Variants in SLC39A5 observed in about 807,000 individuals in gnomAD.
The protein encoded by SLC39A5 is zinc transporter ZIP5.
In SLC39A5, 42 loss-of-function variants were observed where a neutral mutation model predicts 46.9. The observed-to-expected ratio is 0.90, with a 90% CI of 0.70 to 1.16. The LOEUF (loss-of-function observed/expected upper bound fraction) is 1.16. Among genes scored for constraint, SLC39A5 ranks in the 50% most tolerant of loss-of-function variants. The pLI is 0.00. For synonymous variants in SLC39A5, 311 were observed against 323.1 expected (o/e 0.96, Z 0.40); for missense variants, 677 against 686.8 (o/e 0.99, Z 0.16).
At position 56,231,503 on chromosome 12, in the gene SLC39A5, C is replaced by G. The variant is rs1230093141; in HGVS notation, c.229C>G (p.Gln77Glu). 3 of 1,603,612 alleles carry G rather than the reference C, an allele frequency of 1.9e-6. No individual in the cohort carries two copies. Among genetic ancestry groups the G allele is most frequent in the Non-Finnish European group, 2.6e-6 (3 of 1,174,100 alleles). Residue 77 changes from glutamine (Q) to glutamate (E), a missense_variant, in exon 4 of 13, where the codon CAG becomes GAG. Coordinates refer to ENST00000454355, the MANE Select transcript of SLC39A5 (RefSeq NM_173596.3). Reference sequence around the variant, plus strand: ...CCGAGTTCAGGGGCTTCGCCTGGGACAGCATGGGCCTCTGACTGGACGGGC... The same window carrying G: ...CCGAGTTCAGGGGCTTCGCCTGGGAGAGCATGGGCCTCTGACTGGACGGGC... ...LGRVQGLRLG[Q>E]HGPLTGRAAS...
Position 56,235,542 on chromosome 12 carries a change from T to C in SLC39A5, c.805-18T>C, listed in dbSNP as rs760520201. On this transcript the variant is annotated intron_variant, in intron 7 of 12. Coordinates refer to ENST00000454355, the MANE Select transcript of SLC39A5 (RefSeq NM_173596.3). Reference sequence around the variant, plus strand: ...GTATAGGGGCTTCCAGAGTCTGCCCTGACCTTCTCTCTGTCAGGCACAAGA... The same window carrying C: ...GTATAGGGGCTTCCAGAGTCTGCCCCGACCTTCTCTCTGTCAGGCACAAGA... The C allele has an allele frequency of 1.9e-6, 3 of 1,612,438 alleles. No homozygotes were observed. Among genetic ancestry groups the C allele is most frequent in the Non-Finnish European group, 2.5e-6 (3 of 1,179,554 alleles).
rs1473387908 is a variant in SLC39A5, at chr12:56,231,462, A to G, written c.188A>G (p.His63Arg). ...LTAGGLARLLHSLGLGRVQGL... is the reference protein window; with the variant it reads ...LTAGGLARLLRSLGLGRVQGL... ...GCAGGGGGCTTGGCGCGGCTTCTCC[A>G]CAGCCTGGGGCTAGGCCGAGTTCAG... Residue 63 changes from histidine to arginine, a missense_variant, in exon 4 of 13, where the codon CAC becomes CGC. Transcript: ENST00000454355. The G allele has an allele frequency of 6.2e-7, 1 of 1,613,832 alleles. No homozygotes were observed. Among genetic ancestry groups the G allele is most frequent in the South Asian group, 1.1e-5 (1 of 91,048 alleles).
rs774004961 is a variant in SLC39A5, at chr12:56,237,645, G to A, written c.1537G>A (p.Gly513Arg). Residue 513 changes from glycine to arginine, a missense_variant, in exon 13 of 13, where the codon GGG (glycine) becomes AGG (arginine). Physicochemically the swap from Gly to Arg is moderately radical, Grantham distance 125. Coordinates refer to ENST00000454355, the MANE Select transcript of SLC39A5 (RefSeq NM_173596.3). Reference protein sequence around the residue: ...PLPTPHVLLQGLGLLLGGGLM... With the variant: ...PLPTPHVLLQRLGLLLGGGLM... ...GCCTACGCCCCATGTGCTCCTGCAG[G>A]GGCTGGGGCTGCTGCTGGGGGGCGG... is the stretch of plus-strand genomic sequence containing the variant. 5.6e-6 allele frequency: 9 copies of A among 1,611,380 alleles called. No homozygotes were observed. In the Admixed American group the frequency reaches 1.3e-4, roughly 24 times the overall value.
At chr12:56,237,388 G>A (rs781230054) in intron 12 of SLC39A5, 48 bp downstream of exon 12, 62 of 1,550,342 alleles carry the variant, frequency 4.0e-5, no homozygotes, top group Non-Finnish European at 4.6e-5. Context: ...GTGGGGAGGC[G>A]GGAGTGGAGA....
intron 8 of SLC39A5, among the ~76,000 whole-genome samples, chr12:56,236,026 A>G (rs979207886): frequency 1.3e-5 from 2 of 152,186 alleles, no homozygotes; most frequent in African/African-American, 4.8e-5. Context: ...CAGGTGACAG[A>G]GCGAGACTCC....
Position 56,231,528 on chromosome 12 carries a change from C to T in SLC39A5, c.254C>T (p.Ala85Val), listed in dbSNP as rs749619898. 1 of 1,579,406 alleles carries T rather than the reference C, an allele frequency of 6.3e-7. No individual in the cohort carries two copies. Among genetic ancestry groups the T allele is most frequent in the Admixed American group, 1.8e-5 (1 of 56,484 alleles). ...LGQHGPLTGR[A>V]ASPAADNSTH... is the part of the protein sequence containing the mutation. ...CAGCATGGGCCTCTGACTGGACGGG[C>T]TGCATCCCCAGCTGCAGACAATTCC... Residue 85 changes from alanine to valine, a missense_variant, in exon 4 of 13, where the codon GCT becomes GTT. By Grantham distance (64) the Ala-to-Val change is moderately conservative (BLOSUM62 0). Transcript: ENST00000454355.
At chr12:56,237,540 A>G (rs775351499) in intron 12 of SLC39A5, 48 bp from the exon 13 acceptor site, 7 of 1,611,034 alleles carry the variant, frequency 4.3e-6, no homozygotes, top group South Asian at 1.1e-5. Flanking sequence ...TCTGGAGTTG[A>G]GAGGTCAGGG....
chr12:56,237,385 G>A, intron 12 of SLC39A5, 45 bp downstream of exon 12: 1 of 1,552,492 alleles, frequency 6.4e-7, no homozygotes, highest in Non-Finnish European at 8.7e-7. Flanking sequence ...GCAGTGGGGA[G>A]GCGGGAGTGG....
rs199624584 is a variant in SLC39A5 at position 56,231,415 on chromosome 12, C to T, written c.141C>T (p.Tyr47=). 45 of 1,614,088 alleles carry T rather than the reference C, an allele frequency of 2.8e-5. No individual in the cohort carries two copies. Among genetic ancestry groups the T allele is most frequent in the Admixed American group, 8.3e-5 (5 of 60,014 alleles). The change falls in exon 4 of 13, where the codon TAC becomes TAT. Residue 47 remains tyrosine (Y), a synonymous_variant. Coordinates refer to ENST00000454355, the MANE Select transcript of SLC39A5 (RefSeq NM_173596.3). ...ACCTGGCCCAGCTGTTTGGCCTGTA[C>T]GGCGAGAATGGGACGCTGACTGCAG... ...NHYLAQLFGL[Y]GENGTLTAGG...
Position 56,231,491 on chromosome 12 carries a change from C to T in SLC39A5, c.217C>T (p.Leu73Phe). 6.2e-7 allele frequency: 1 copy of T among 1,610,580 alleles called. No individual in the cohort carries two copies. The change falls in exon 4 of 13, where the codon CTT (leucine) becomes TTT (phenylalanine). Residue 73 changes from leucine to phenylalanine, a missense_variant. Physicochemically the swap from Leu to Phe is conservative, Grantham distance 22 (BLOSUM62 0). Coordinates refer to ENST00000454355, the MANE Select transcript of SLC39A5 (RefSeq NM_173596.3). ...HSLGLGRVQG[L>F]RLGQHGPLTG... is the part of the protein sequence containing the mutation. ...CCTGGGGCTAGGCCGAGTTCAGGGG[C>T]TTCGCCTGGGACAGCATGGGCCTCT...
At chr12:56,237,060 T>C (rs1468653423) in intron 11 of SLC39A5, 49 bp downstream of exon 11, 19 of 1,613,086 alleles carry the variant, frequency 1.2e-5, no homozygotes, top group Non-Finnish European at 1.6e-5. Flanking sequence ...AGGAGATAGC[T>C]CCAAGGGGTA....
intron 8 of SLC39A5, among the ~76,000 whole-genome samples, chr12:56,236,158 T>A (rs1159160719): frequency 1.3e-5 from 2 of 151,682 alleles, no homozygotes; most frequent in African/African-American, 4.9e-5. Context: ...TAACAGGGAG[T>A]GGGTAGGGGC....
intron 10 of SLC39A5, 23 bp from the exon 11 acceptor site, chr12:56,236,908 A>C (rs200924913): frequency 7.3e-5 from 117 of 1,613,522 alleles, no homozygotes; most frequent in Non-Finnish European, 9.3e-5. Flanking sequence ...TGGACTGACA[A>C]CTTCCGACCC....
intron 5 of SLC39A5, 45 bp downstream of exon 5, chr12:56,232,917 T>C: frequency 6.5e-7 from 1 of 1,537,264 alleles, no homozygotes; most frequent in Non-Finnish European, 8.8e-7. Context: ...TGGGATTAGA[T>C]GGCCTGAAAT....
chr12:56,230,944 G>T, intron 3 of SLC39A5, 71 bp downstream of exon 3: 1 of 284,660 alleles, frequency 3.5e-6, no homozygotes. Context: ...GTGGGGCAAA[G>T]TTGAGGGGTG....
rs1870181440 is a variant in SLC39A5, at chr12:56,231,301, G to A, written c.27G>A (p.Leu9=). 3.1e-6 allele frequency: 5 copies of A among 1,610,702 alleles called. No individual in the cohort carries two copies. The African/African-American group carries it at 6.7e-5, about 22-fold the overall frequency. ...TGATGGGGTCCCCAGTGAGTCATCT[G>A]CTGGCCGGCTTCTGTGTGTGGGTCG... MMGSPVSH[L]LAGFCVWVVL... is the part of the protein sequence containing the mutation. The change falls in exon 4 of 13, where the codon CTG becomes CTA. Residue 9 remains leucine, a synonymous_variant. Coordinates refer to ENST00000454355, the MANE Select transcript of SLC39A5 (RefSeq NM_173596.3).
chr12:56,231,040 A>G, intron 3 of SLC39A5, 164 bp from the exon 4 acceptor site: 2 of 506,602 alleles, frequency 3.9e-6, no homozygotes, highest in Non-Finnish European at 6.9e-6. Context: ...AGGAACCAGC[A>G]AACAAGAGGC....
chr12:56,231,429 C>A lies in SLC39A5; in HGVS notation c.155C>A (p.Thr52Lys). 6.2e-7 allele frequency: 1 copy of A among 1,614,092 alleles called. No homozygotes were observed. Among genetic ancestry groups the A allele is most frequent in the Non-Finnish European group, 8.5e-7 (1 of 1,180,014 alleles). ...QLFGLYGENG[T>K]LTAGGLARLL... The stretch of plus-strand genomic sequence containing the variant: ...TTTGGCCTGTACGGCGAGAATGGGA[C>A]GCTGACTGCAGGGGGCTTGGCGCGG... The change falls in exon 4 of 13, where the codon ACG (threonine) becomes AAG (lysine). Residue 52 changes from threonine to lysine, a missense_variant. By Grantham distance (78) the Thr-to-Lys change is moderately conservative (BLOSUM62 -1). Transcript: ENST00000454355.
In SLC39A5 at chr12:56,235,546, C is replaced by T. The variant is rs1276448237; in HGVS notation, c.805-14C>T. On this transcript the variant is annotated splice_polypyrimidine_tract_variant and intron_variant, in intron 7 of 12. Coordinates refer to ENST00000454355, the MANE Select transcript of SLC39A5 (RefSeq NM_173596.3). ...AGGGGCTTCCAGAGTCTGCCCTGAC[C>T]TTCTCTCTGTCAGGCACAAGAAGGG... 1.2e-6 allele frequency: 2 copies of T among 1,612,610 alleles called. No homozygotes were observed. The highest frequency in any genetic ancestry group is 1.6e-4 in the Middle Eastern group (1 of 6,064).
Sources: gnomAD v4.1 joint callset for allele counts (sites outside exome capture counted in the v4.1 genomes callset) on GRCh38, gnomAD v4.1.1 for gene constraint, MANE v1.5 for transcripts, NCBI Gene and HGNC (gene_info 2026-07-23, HGNC 2026-07-21) for gene names.